CAMK2D: variants seen among roughly 807,000 people sequenced by gnomAD.
CAMK2D encodes the protein calcium/calmodulin-dependent protein kinase type II subunit delta.
CAMK2D carries 37 observed loss-of-function variants against 84.0 expected under a neutral mutation model. The ratio of observed to expected loss-of-function variants is 0.44; its 90% CI spans 0.34 to 0.58. The LOEUF is 0.58. Ranked by LOEUF, CAMK2D falls within the 20% of genes least tolerant of loss-of-function variation. CAMK2D has a pLI of 0.02. For missense variants in CAMK2D, 448 were observed against 652.5 expected, an observed-to-expected ratio of 0.69 and a Z score of 3.41; for synonymous variants, 202 against 212.5, an observed-to-expected ratio of 0.95 and a Z score of 0.43.
intron 6 of CAMK2D, among the ~76,000 whole-genome samples, chr4:113,542,783 C>G (rs1295565521): frequency 6.6e-6 from 1 of 152,044 alleles, no homozygotes; most frequent in Non-Finnish European, 1.5e-5. Context: ...TTCCTTTCTA[C>G]TTTGGTCATA....
chr4:113,523,731 C>T (rs2098391660), intron 8 of CAMK2D, among the ~76,000 whole-genome samples: 1 of 151,974 alleles, frequency 6.6e-6, no homozygotes, highest in South Asian at 2.1e-4. Context: ...AAGATGGTGC[C>T]ACTGCACCCC....
At chr4:113,557,952 G>T (rs2098676375) in intron 4 of CAMK2D, among the ~76,000 whole-genome samples, 2 of 152,134 alleles carry the variant, frequency 1.3e-5, no homozygotes, top group African/African-American at 4.8e-5. Context: ...TGCCCTGATG[G>T]GGCATTAGGC....
At chr4:113,507,171 A>G (rs1215731136) in intron 13 of CAMK2D, among the ~76,000 whole-genome samples, 2 of 152,166 alleles carry the variant, frequency 1.3e-5, no homozygotes, top group Admixed American at 1.3e-4. Flanking sequence ...TTGAAAAATA[A>G]TAGGATAATT....
intron 4 of CAMK2D, among the ~76,000 whole-genome samples, chr4:113,595,860 G>C (rs1269967992): frequency 2.0e-5 from 3 of 152,156 alleles, no homozygotes; most frequent in Non-Finnish European, 4.4e-5. Context: ...CTGATGGGGT[G>C]GTGGCTGCTG....
At chr4:113,499,081 A>G (rs2097990107) in intron 16 of CAMK2D, among the ~76,000 whole-genome samples, 2 of 152,232 alleles carry the variant, frequency 1.3e-5, no homozygotes. Context: ...TAGCTTAAAG[A>G]GCTAATGAAT....
Position 113,451,767 on chromosome 4 carries a change from T to A in CAMK2D, c.*2778A>T, listed in dbSNP as rs1378211317. 6 of 152,288 alleles carry A rather than the reference T, an allele frequency of 3.9e-5. No individual in the cohort carries two copies. The South Asian group carries it at 6.2e-4, about 16-fold the overall frequency. The allele number at this position is 152,288 out of a possible 1,614,324, so 9.4% of individuals were successfully genotyped here. On this transcript the variant is annotated 3_prime_UTR_variant, in exon 21 of 21. Transcript: ENST00000511664. ...AGAGGAGACACAAATAGAAATATAT[T>A]TTCAAAACAATGTGGTTGACAGGAG...
At chr4:113,486,770 T>A (rs183239489) in intron 16 of CAMK2D, among the ~76,000 whole-genome samples, 69 of 152,334 alleles carry the variant, frequency 4.5e-4, no homozygotes, top group Non-Finnish European at 1.0e-4. Flanking sequence ...TTTCCCTCCC[T>A]GGACTGAACA....
intron 16 of CAMK2D, among the ~76,000 whole-genome samples, chr4:113,468,628 C>T (rs2097507020): frequency 1.3e-5 from 2 of 152,140 alleles, no homozygotes; most frequent in Admixed American, 6.5e-5. Context: ...GCTCTACTCT[C>T]AATCAGCAGT....
intron 3 of CAMK2D, among the ~76,000 whole-genome samples, chr4:113,623,068 A>T (rs965324943): frequency 1.3e-5 from 2 of 152,160 alleles, no homozygotes; most frequent in African/African-American, 4.8e-5. Context: ...TTTACAAAAA[A>T]AGTTTGCCAA....
intron 4 of CAMK2D, among the ~76,000 whole-genome samples, chr4:113,552,670 T>C (rs2098637279): frequency 6.6e-6 from 1 of 152,230 alleles, no homozygotes; most frequent in African/African-American, 2.4e-5. Context: ...CATTTTCCCC[T>C]AATTTAACGT....
chr4:113,501,035 G>T (rs1408978557), intron 15 of CAMK2D, among the ~76,000 whole-genome samples: 2 of 152,144 alleles, frequency 1.3e-5, no homozygotes, highest in Admixed American at 6.5e-5. Context: ...AGAAGCTAAG[G>T]GGGTTAAGCT....
rs1336393934 is a variant in CAMK2D, at chr4:113,492,393, C to T, written c.1135+8070G>A. Among the ~76,000 whole-genome samples the T allele has an allele frequency of 1.6e-4, 24 of 152,174 alleles. No homozygotes were observed. The South Asian group carries it at 4.6e-3, about 29-fold the overall frequency. On this transcript the variant is annotated intron_variant, in intron 16 of 20. Coordinates refer to ENST00000511664, the MANE Select transcript of CAMK2D (RefSeq NM_001321571.2). Reference sequence around the variant, plus strand: ...CATCTTTATTTCTGCCTTCATTTCACTATGTACCCAGTAGTCATTCAGGAG... The same window carrying T: ...CATCTTTATTTCTGCCTTCATTTCATTATGTACCCAGTAGTCATTCAGGAG...
At chr4:113,682,402 A>G (rs985240559) in intron 2 of CAMK2D, among the ~76,000 whole-genome samples, 5 of 152,120 alleles carry the variant, frequency 3.3e-5, no homozygotes, top group Middle Eastern at 3.4e-3. Context: ...AAATTTTAAA[A>G]TGTAGCTTTA....
intron 6 of CAMK2D, among the ~76,000 whole-genome samples, chr4:113,542,417 G>A (rs1030555670): frequency 3.3e-5 from 5 of 151,912 alleles, no homozygotes; most frequent in Non-Finnish European, 7.4e-5. Context: ...ACTACCCATG[G>A]TTAACAAGAA....
At chr4:113,558,419 T>C (rs1474877479) in intron 4 of CAMK2D, among the ~76,000 whole-genome samples, 1 of 152,232 alleles carries the variant, frequency 6.6e-6, no homozygotes, top group Non-Finnish European at 1.5e-5. Flanking sequence ...TTAAATTATA[T>C]ATGCAGTTGG....
chr4:113,491,593 T>C (rs1238895615), intron 16 of CAMK2D, among the ~76,000 whole-genome samples: 2 of 152,078 alleles, frequency 1.3e-5, no homozygotes, highest in Non-Finnish European at 2.9e-5. Context: ...AGGATATTGG[T>C]CTAAAATTCT....
chr4:113,486,206 C>T (rs935746941), intron 16 of CAMK2D, among the ~76,000 whole-genome samples: 4 of 151,846 alleles, frequency 2.6e-5, no homozygotes, highest in Admixed American at 1.3e-4. Flanking sequence ...TCATAGCTCG[C>T]TGTGGTATTG....
chr4:113,691,840 A>C (rs2099388102), intron 2 of CAMK2D, among the ~76,000 whole-genome samples: 1 of 152,162 alleles, frequency 6.6e-6, no homozygotes, highest in Non-Finnish European at 1.5e-5. Context: ...ACACTATTTA[A>C]ATGGGTGGTG....
At chr4:113,578,223 C>A (rs997406160) in intron 4 of CAMK2D, among the ~76,000 whole-genome samples, 4 of 152,170 alleles carry the variant, frequency 2.6e-5, no homozygotes, top group African/African-American at 7.2e-5. Context: ...TCATAGTCAG[C>A]CCCTTTGTTC....
Sources: allele counts gnomAD v4.1 joint callset (sites outside exome capture counted in the v4.1 genomes callset), GRCh38; gene constraint gnomAD v4.1.1; transcripts MANE v1.5; gene names NCBI Gene and HGNC (gene_info 2026-07-23, HGNC 2026-07-21).